The following MTFR1 variants were observed in gnomAD, a reference collection of about 807,000 sequenced individuals.
The protein encoded by MTFR1 is chondrocyte protein with a poly-proline region.
A neutral mutation model predicts 38.8 loss-of-function variants in MTFR1; 28 were observed. That is an observed-to-expected ratio of 0.72 (90% CI 0.53 to 0.99). The LOEUF (loss-of-function observed/expected upper bound fraction) is 0.99, where lower values mean the gene tolerates loss of function less well. MTFR1 is among the 50% of genes least tolerant of loss of function. The pLI is 0.00. For missense variants in MTFR1, 358 were observed against 395.5 expected (o/e 0.91, Z 0.81); for synonymous variants, 145 against 137.0 (o/e 1.06, Z -0.41).
At chr8:65,654,918 A>G (rs1365714731) in intron 1 of MTFR1, among the ~76,000 whole-genome samples, 6 of 152,122 alleles carry the variant, frequency 3.9e-5, no homozygotes, top group Non-Finnish European at 8.8e-5. Context: ...GACAGTAACT[A>G]TTACACAACT....
At chr8:65,655,042 GGATCACTTAA>G (rs1210157523) in intron 1 of MTFR1, among the ~76,000 whole-genome samples, 1 of 152,102 alleles carries the variant, frequency 6.6e-6, no homozygotes, top group African/African-American at 2.4e-5. Context: ...GTCCAGCCCA[GGATCACTTAA>G]GATATTTGAA....
intron 4 of MTFR1, among the ~76,000 whole-genome samples, chr8:65,697,006 A>G (rs1805464420): frequency 1.7e-5 from 2 of 120,242 alleles, no homozygotes; most frequent in Admixed American, 9.7e-5. Context: ...TTTTTTTGAG[A>G]CAGAGACTCA....
intron 1 of MTFR1, among the ~76,000 whole-genome samples, chr8:65,645,705 C>CGCG (rs1554544311): frequency 8.7e-6 from 1 of 114,374 alleles, no homozygotes. Flanking sequence ...CCCCCCCCCC[C>CGCG]CTTTGTAGAG....
At chr8:65,670,723 A>C (rs1479370148) in intron 2 of MTFR1, among the ~76,000 whole-genome samples, 1 of 128,396 alleles carries the variant, frequency 7.8e-6, no homozygotes, top group Non-Finnish European at 1.7e-5. Context: ...TTTTTTTTTG[A>C]ACAGGGAGTC....
intron 1 of MTFR1, among the ~76,000 whole-genome samples, chr8:65,652,439 A>G (rs985409268): frequency 6.6e-6 from 1 of 151,816 alleles, no homozygotes; most frequent in African/African-American, 2.4e-5. Context: ...TCCCTATGTT[A>G]TCCAGGCTGG....
chr8:65,714,146 A>G (rs1054406328), downstream of MTFR1, among the ~76,000 whole-genome samples: 21 of 151,384 alleles, frequency 1.4e-4, no homozygotes, highest in African/African-American at 5.1e-4. Context: ...TCACCCAGAC[A>G]TGTTGAGAAC....
chr8:65,666,260 A>T (rs1249648481), intron 1 of MTFR1, among the ~76,000 whole-genome samples: 2 of 151,860 alleles, frequency 1.3e-5, no homozygotes, highest in Non-Finnish European at 2.9e-5. Context: ...TACAATAATT[A>T]GCTGGGTGTG....
At chr8:65,703,116 A>G (rs1805663612) in intron 4 of MTFR1, among the ~76,000 whole-genome samples, 1 of 151,988 alleles carries the variant, frequency 6.6e-6, no homozygotes, top group African/African-American at 2.4e-5. Flanking sequence ...AAAGGAAGAA[A>G]TATCAGGCCT....
At chr8:65,701,818 T>A (rs1411427411) in intron 4 of MTFR1, among the ~76,000 whole-genome samples, 1 of 152,084 alleles carries the variant, frequency 6.6e-6, no homozygotes, top group Non-Finnish European at 1.5e-5. Context: ...TAGGAAATAC[T>A]TAACAAGCAA....
chr8:65,674,303 CT>C (rs762067963), intron 2 of MTFR1, among the ~76,000 whole-genome samples: 826 of 137,074 alleles, frequency 6.0e-3, no homozygotes, highest in Non-Finnish European at 6.6e-3. Flanking sequence ...TTTATTTTAT[CT>C]TTTTTTTTTT....
rs189753633 is a variant in MTFR1 at position 65,660,225 on chromosome 8, A to G, written c.-80-9648A>G. ...AGCATCTCTTGAACCTGGGAGGTGG[A>G]GGTTGTGGTGAGCCAAGATCATGCC... is the stretch of plus-strand genomic sequence containing the variant. On this transcript the variant is annotated intron_variant, in intron 1 of 7. Coordinates refer to ENST00000262146, the MANE Select transcript of MTFR1 (RefSeq NM_014637.4). Among the ~76,000 whole-genome samples, 5 of 136,896 alleles carry G rather than the reference A, an allele frequency of 3.7e-5. No homozygotes were observed. The East Asian group carries it at 1.2e-3, about 32-fold the overall frequency. 89.8% of individuals were successfully genotyped at this position (136,896 alleles called of 152,430 possible).
chr8:65,680,295 C>T (rs1389861378), intron 2 of MTFR1, among the ~76,000 whole-genome samples: 3 of 152,042 alleles, frequency 2.0e-5, no homozygotes, highest in African/African-American at 7.2e-5. Context: ...TCTCCTGTAG[C>T]TAGGATGACA....
chr8:65,682,735 A>G (rs747414931), intron 3 of MTFR1: 1 of 984,104 alleles, frequency 1.0e-6, no homozygotes, highest in Middle Eastern at 5.2e-4. Context: ...GTGACCTCAA[A>G]CATAGGCTTT....
At chr8:65,735,543 T>C (rs1807094330) in intron 3 of MTFR1, among the ~76,000 whole-genome samples, 1 of 152,178 alleles carries the variant, frequency 6.6e-6, no homozygotes, top group Admixed American at 6.5e-5. Context: ...ACCCCTGGGC[T>C]CAAGGAGTCC....
At chr8:65,740,410 T>C (rs1233968698) in intron 3 of MTFR1, among the ~76,000 whole-genome samples, 1 of 152,120 alleles carries the variant, frequency 6.6e-6, no homozygotes, top group African/African-American at 2.4e-5. Flanking sequence ...TTCCTTTTCT[T>C]TCTTTTTTGA....
chr8:65,673,586 C>A (rs551136873), intron 2 of MTFR1, among the ~76,000 whole-genome samples: 2 of 150,032 alleles, frequency 1.3e-5, no homozygotes, highest in East Asian at 4.0e-4. Context: ...CACATGTATC[C>A]CAGAACTTAA....
At chr8:65,668,529 T>G (rs1804463971) in intron 1 of MTFR1, among the ~76,000 whole-genome samples, 2 of 146,864 alleles carry the variant, frequency 1.4e-5, no homozygotes, top group African/African-American at 4.9e-5. Context: ...TTTTTTCTTT[T>G]TTTTTTTTTT....
intron 3 of MTFR1, among the ~76,000 whole-genome samples, chr8:65,748,705 G>A (rs1208267681): frequency 6.6e-6 from 1 of 152,112 alleles, no homozygotes; most frequent in East Asian, 1.9e-4. Context: ...ATTCTCTCTT[G>A]CATATCCAGT....
chr8:65,733,068 G>A (rs2128896431), intron 3 of MTFR1, among the ~76,000 whole-genome samples: 1 of 152,320 alleles, frequency 6.6e-6, no homozygotes, highest in Admixed American at 6.5e-5. Context: ...TGCCTGCATT[G>A]TAGGGCTTTG....
Sources: allele counts gnomAD v4.1 joint callset (sites outside exome capture counted in the v4.1 genomes callset), GRCh38; gene constraint gnomAD v4.1.1; transcripts MANE v1.5; gene names NCBI Gene and HGNC (gene_info 2026-07-23, HGNC 2026-07-21).